NKAIN2: variants seen among roughly 807,000 people sequenced by gnomAD.
NKAIN2 encodes sodium/potassium-transporting ATPase subunit beta-1-interacting protein 2.
In NKAIN2, 14 loss-of-function variants were observed where a neutral mutation model predicts 32.6. The ratio of observed to expected loss-of-function variants is 0.43; its 90% CI spans 0.28 to 0.67. The LOEUF (loss-of-function observed/expected upper bound fraction) is 0.67, where lower values mean the gene tolerates loss of function less well. NKAIN2 is among the 30% of genes least tolerant of loss of function. The pLI is 0.17. For synonymous variants in NKAIN2, 80 were observed against 87.2 expected, an observed-to-expected ratio of 0.92 and a Z score of 0.46; for missense variants, 198 against 258.3, an observed-to-expected ratio of 0.77 and a Z score of 1.60.
At chr6:124,188,487 T>G (rs2114576771) in intron 1 of NKAIN2, among the ~76,000 whole-genome samples, 1 of 152,350 alleles carries the variant, frequency 6.6e-6, no homozygotes, top group South Asian at 2.1e-4. Flanking sequence ...TTAATCACAT[T>G]TATAAAATGC....
Position 124,777,998 on chromosome 6 carries a change from G to A in NKAIN2, c.475-13341G>A, listed in dbSNP as rs144126108. Among the ~76,000 whole-genome samples the A allele has an allele frequency of 4.9e-3, 738 of 151,598 alleles. 5 individuals carry two copies. The highest frequency in any genetic ancestry group is 0.017 in the African/African-American group (705 of 41,306). On this transcript the variant is annotated intron_variant, in intron 4 of 6. Transcript: ENST00000368417. The stretch of plus-strand genomic sequence containing the variant: ...ACAAACACACACACATGTACACAGA[G>A]ATGACATCCAGTAATGAGGTTTTAA...
intron 1 of NKAIN2, among the ~76,000 whole-genome samples, chr6:123,998,922 C>A (rs1779760606): frequency 6.6e-6 from 1 of 151,532 alleles, no homozygotes; most frequent in East Asian, 1.9e-4. Context: ...CTAAATGCCA[C>A]CTGTCTTTTG....
At chr6:123,904,155 T>G (rs1582749628) in intron 1 of NKAIN2, among the ~76,000 whole-genome samples, 1 of 151,632 alleles carries the variant, frequency 6.6e-6, no homozygotes, top group Non-Finnish European at 1.5e-5. Context: ...TGCTTGAACC[T>G]GGGAGGCGGA....
At chr6:124,742,442 A>G (rs1777259482) in intron 4 of NKAIN2, among the ~76,000 whole-genome samples, 1 of 151,700 alleles carries the variant, frequency 6.6e-6, no homozygotes, top group African/African-American at 2.4e-5. Flanking sequence ...GCCTTATACC[A>G]GTGACACATT....
chr6:124,077,480 C>T (rs762522638), intron 1 of NKAIN2, among the ~76,000 whole-genome samples: 3 of 152,106 alleles, frequency 2.0e-5, no homozygotes, highest in South Asian at 2.1e-4. Flanking sequence ...ACAGTCCTGG[C>T]GACATCTACT....
chr6:124,056,607 C>T (rs752722018), intron 1 of NKAIN2, among the ~76,000 whole-genome samples: 4 of 151,944 alleles, frequency 2.6e-5, no homozygotes, highest in African/African-American at 4.8e-5. Flanking sequence ...TAACAAAATA[C>T]AGTATCAGCA....
chr6:124,445,650 G>C (rs1775858526), intron 3 of NKAIN2, among the ~76,000 whole-genome samples: 1 of 151,726 alleles, frequency 6.6e-6, no homozygotes, highest in Non-Finnish European at 1.5e-5. Flanking sequence ...ATAATCTTTT[G>C]TCATGGCAAC....
At chr6:124,822,004 G>T (rs1479311054) in intron 6 of NKAIN2, among the ~76,000 whole-genome samples, 1 of 152,142 alleles carries the variant, frequency 6.6e-6, no homozygotes, top group Non-Finnish European at 1.5e-5. Context: ...GTTTGACCTG[G>T]TATTACATTC....
intron 3 of NKAIN2, among the ~76,000 whole-genome samples, chr6:124,560,704 T>C (rs187025722): frequency 6.6e-6 from 1 of 152,366 alleles, no homozygotes; most frequent in East Asian, 1.9e-4. Flanking sequence ...ATTATTATCA[T>C]AATCCTAAGA....
intron 3 of NKAIN2, among the ~76,000 whole-genome samples, chr6:124,597,954 A>G (rs946261616): frequency 3.3e-5 from 5 of 152,226 alleles, no homozygotes; most frequent in African/African-American, 7.2e-5. Context: ...AAGTCTTACT[A>G]TCAAACAGCT....
intron 3 of NKAIN2, among the ~76,000 whole-genome samples, chr6:124,601,610 G>A (rs1782310513): frequency 6.6e-6 from 1 of 152,050 alleles, no homozygotes; most frequent in South Asian, 2.1e-4. Context: ...GAAGTGCATT[G>A]TGTCTGAAGA....
At chr6:124,334,713 CATCT>C (rs1191800573) in intron 2 of NKAIN2, among the ~76,000 whole-genome samples, 1 of 129,016 alleles carries the variant, frequency 7.8e-6, no homozygotes, top group African/African-American at 3.0e-5. Context: ...GATCTTGCGG[CATCT>C]AGCTGCATGA....
intron 1 of NKAIN2, among the ~76,000 whole-genome samples, chr6:124,082,030 T>C (rs949676921): frequency 6.6e-6 from 1 of 151,892 alleles, no homozygotes; most frequent in African/African-American, 2.4e-5. Flanking sequence ...CCAATACAGA[T>C]AGTGAATAAT....
intron 1 of NKAIN2, among the ~76,000 whole-genome samples, chr6:124,102,428 T>C (rs951080027): frequency 2.0e-5 from 3 of 152,196 alleles, no homozygotes; most frequent in African/African-American, 4.8e-5. Flanking sequence ...AATAGTCTCA[T>C]CTAAAAGGTG....
At chr6:124,111,365 TTA>T (rs1184425619) in intron 1 of NKAIN2, among the ~76,000 whole-genome samples, 3 of 152,116 alleles carry the variant, frequency 2.0e-5, no homozygotes, top group African/African-American at 7.2e-5. Context: ...AATGTTTGCT[TTA>T]TATATCGAGG....
intron 4 of NKAIN2, among the ~76,000 whole-genome samples, chr6:124,696,088 T>C (rs992688289): frequency 2.6e-5 from 4 of 152,150 alleles, no homozygotes; most frequent in Non-Finnish European, 5.9e-5. Flanking sequence ...TCTCTCTGTG[T>C]AGCATTTCAT....
At chr6:124,201,715 G>A (rs1043401465) in intron 1 of NKAIN2, among the ~76,000 whole-genome samples, 10 of 151,922 alleles carry the variant, frequency 6.6e-5, no homozygotes, top group Non-Finnish European at 1.0e-4. Flanking sequence ...TCGTTTTCAC[G>A]TCCTTTCAAA....
At chr6:124,398,020 G>A (rs1157932547) in intron 3 of NKAIN2, among the ~76,000 whole-genome samples, 1 of 151,802 alleles carries the variant, frequency 6.6e-6, no homozygotes, top group East Asian at 1.9e-4. Context: ...TTGGGAGGCC[G>A]AGGCGGGCGG....
intron 1 of NKAIN2, among the ~76,000 whole-genome samples, chr6:124,154,902 A>G (rs988414374): frequency 1.3e-5 from 2 of 152,126 alleles, no homozygotes; most frequent in Non-Finnish European, 2.9e-5. Context: ...ACATAAAAGT[A>G]TTAATTGAGA....
Sources: allele counts gnomAD v4.1 joint callset (sites outside exome capture counted in the v4.1 genomes callset), GRCh38; gene constraint gnomAD v4.1.1; transcripts MANE v1.5; gene names NCBI Gene and HGNC (gene_info 2026-07-23, HGNC 2026-07-21).